TCF7L2: variants seen among roughly 807,000 people sequenced by gnomAD.
The protein encoded by TCF7L2 is transcription factor 7-like 2.
TCF7L2 carries 23 observed loss-of-function variants against 77.9 expected under a neutral mutation model. That is an observed-to-expected ratio of 0.30 (90% CI 0.21 to 0.42). The LOEUF is 0.42. TCF7L2 is among the 10% of genes least tolerant of loss of function. The probability of loss-of-function intolerance (pLI) is 1.00; values close to 1 mark genes in which losing one functional copy is unlikely to be tolerated. For missense variants in TCF7L2, 654 were observed against 793.1 expected (o/e 0.82, Z 2.11); for synonymous variants, 413 against 340.2 (o/e 1.21, Z -2.36).
At chr10:113,047,878 C>T (rs986387220) in intron 5 of TCF7L2, among the ~76,000 whole-genome samples, 1 of 152,096 alleles carries the variant, frequency 6.6e-6, no homozygotes, top group Non-Finnish European at 1.5e-5. Context: ...GCCTGTTGTG[C>T]TTGGGGGAAG....
intron 5 of TCF7L2, among the ~76,000 whole-genome samples, chr10:113,120,127 G>C (rs1316329220): frequency 6.6e-6 from 1 of 152,194 alleles, no homozygotes. Flanking sequence ...AAAGGTTACA[G>C]TACGTGATTT....
rs34089010 is a variant in TCF7L2, at chr10:113,076,135, C to CAAA, written c.552+36029_552+36031dup. ...TAGGCAACAGAGCAAGACTCCATCT[C>CAAA]AAAAAAAAAAAAAAAAAAAAAAGAC... On this transcript the variant is annotated intron_variant, in intron 5 of 13. Coordinates refer to ENST00000627217, the MANE Select transcript of TCF7L2 (RefSeq NM_001146274.2). 1.1e-3 allele frequency among the ~76,000 whole-genome samples: 75 copies of CAAA among 65,742 alleles called. 1 individual carries two copies. Among genetic ancestry groups the CAAA allele is most frequent in the African/African-American group, 1.7e-3 (29 of 16,692 alleles). 43.1% of individuals were successfully genotyped at this position (65,742 alleles called of 152,430 possible).
intron 4 of TCF7L2, among the ~76,000 whole-genome samples, chr10:113,033,514 C>T (rs143647357): frequency 6.6e-6 from 1 of 152,236 alleles, no homozygotes; most frequent in African/African-American, 2.4e-5. Context: ...TTCCAAAGTA[C>T]TGGGATTACT....
intron 5 of TCF7L2, among the ~76,000 whole-genome samples, chr10:113,138,649 C>A (rs1322590911): frequency 6.6e-6 from 1 of 152,078 alleles, no homozygotes; most frequent in Non-Finnish European, 1.5e-5. Context: ...TAATAAATAA[C>A]AAACTTATCA....
intron 5 of TCF7L2, among the ~76,000 whole-genome samples, chr10:113,061,226 T>A (rs1414771687): frequency 6.6e-6 from 1 of 152,120 alleles, no homozygotes; most frequent in Non-Finnish European, 1.5e-5. Context: ...GGTTGCCAGC[T>A]GGCATGGTCC....
chr10:113,030,166 A>C (rs1199852620), intron 4 of TCF7L2, among the ~76,000 whole-genome samples: 1 of 152,226 alleles, frequency 6.6e-6, no homozygotes, highest in Non-Finnish European at 1.5e-5. Context: ...AAAAAGAATC[A>C]TACACCATGA....
chr10:112,986,817 T>TG (rs141192371), intron 4 of TCF7L2, among the ~76,000 whole-genome samples: 78 of 152,328 alleles, frequency 5.1e-4, no homozygotes, highest in African/African-American at 1.8e-3. Context: ...CCTTTTTCTC[T>TG]GGGCATACTG....
intron 11 of TCF7L2, chr10:113,157,807 C>G (rs2072273749): frequency 1.9e-6 from 1 of 519,126 alleles, no homozygotes; most frequent in Non-Finnish European, 3.5e-6. Flanking sequence ...AATCCCTTCT[C>G]TGCTCCCAAG....
chr10:113,095,117 ACAAAAAACAAAAAAC>A, intron 5 of TCF7L2, among the ~76,000 whole-genome samples: 1 of 152,166 alleles, frequency 6.6e-6, no homozygotes, highest in Non-Finnish European at 1.5e-5. Flanking sequence ...AAAAATAAAA[ACAAAAAACAAAAAAC>A]CAAAAAACAA....
In TCF7L2 at chr10:112,951,195, C is replaced by T. The variant is rs769787089; in HGVS notation, c.190-12C>T. On this transcript the variant is annotated splice_polypyrimidine_tract_variant and intron_variant, in intron 1 of 13. Transcript: ENST00000627217. ...TGCCCCTCGCCCTCCCCACCTCCAC[C>T]CCTCTGGGAAGGCGGAAAGACGGCC... The T allele has an allele frequency of 3.2e-6, 5 of 1,581,972 alleles. No individual in the cohort carries two copies. Among genetic ancestry groups the T allele is most frequent in the Non-Finnish European group, 4.3e-6 (5 of 1,167,628 alleles).
intron 3 of TCF7L2, among the ~76,000 whole-genome samples, chr10:112,952,859 C>T (rs2032270052): frequency 6.6e-6 from 1 of 150,660 alleles, no homozygotes; most frequent in African/African-American, 2.4e-5. Flanking sequence ...CACCCTGAAC[C>T]CCCTCCTCCT....
At chr10:113,147,839 C>T (rs756287914) in intron 8 of TCF7L2, among the ~76,000 whole-genome samples, 24 of 151,736 alleles carry the variant, frequency 1.6e-4, no homozygotes, top group Non-Finnish European at 3.1e-4. Flanking sequence ...GGAGGTTAGT[C>T]GATGAATTAT....
chr10:112,995,924 C>G (rs2043386927), intron 4 of TCF7L2, among the ~76,000 whole-genome samples: 1 of 152,200 alleles, frequency 6.6e-6, no homozygotes, highest in African/African-American at 2.4e-5. Context: ...GTTATTTAAT[C>G]TTTGCCTCAA....
chr10:113,141,267 G>A lies in TCF7L2; in HGVS notation c.636G>A (p.Thr212=), dbSNP rs747875356. 31 of 1,613,990 alleles carry A rather than the reference G, an allele frequency of 1.9e-5. No individual in the cohort carries two copies. The highest frequency in any genetic ancestry group is 4.0e-5 in the African/African-American group (3 of 74,878). ...TCACGTACAGCAATGAACACTTCAC[G>A]CCGGGAAACCCACCTCCACACTTAC... The change falls in exon 6 of 14, where the codon ACG becomes ACA. Residue 212 remains threonine, a synonymous_variant. Coordinates refer to ENST00000627217, the MANE Select transcript of TCF7L2 (RefSeq NM_001146274.2).
chr10:113,163,001 A>C (rs2073424454), intron 13 of TCF7L2, among the ~76,000 whole-genome samples: 1 of 150,780 alleles, frequency 6.6e-6, no homozygotes, highest in South Asian at 2.1e-4. Context: ...CATAGGACAA[A>C]ATGTACTTAA....
intron 5 of TCF7L2, among the ~76,000 whole-genome samples, chr10:113,105,397 TC>T (rs1455027013): frequency 7.2e-5 from 11 of 152,140 alleles, no homozygotes; most frequent in African/African-American, 2.4e-4. Context: ...GATTTGGAAC[TC>T]CCTGCATGGT....
chr10:113,007,293 G>A (rs1053959022), intron 4 of TCF7L2, among the ~76,000 whole-genome samples: 9 of 152,186 alleles, frequency 5.9e-5, no homozygotes, highest in Admixed American at 2.6e-4. Flanking sequence ...TGAGGCCTCC[G>A]TCACGGGCAA....
intron 5 of TCF7L2, among the ~76,000 whole-genome samples, chr10:113,046,583 G>A (rs1209126390): frequency 6.6e-6 from 1 of 152,044 alleles, no homozygotes; most frequent in East Asian, 1.9e-4. Flanking sequence ...TGTATTCCCC[G>A]CAACCCCAAG....
At chr10:112,964,110 T>A (rs1400486340) in intron 3 of TCF7L2, among the ~76,000 whole-genome samples, 1 of 152,220 alleles carries the variant, frequency 6.6e-6, no homozygotes, top group African/African-American at 2.4e-5. Context: ...GGGGTGCTTG[T>A]ACTTGTTGCA....
Sources: gnomAD v4.1 joint callset for allele counts (sites outside exome capture counted in the v4.1 genomes callset) on GRCh38, gnomAD v4.1.1 for gene constraint, MANE v1.5 for transcripts, NCBI Gene and HGNC (gene_info 2026-07-23, HGNC 2026-07-21) for gene names.